SOAT1: variants seen among roughly 807,000 people sequenced by gnomAD.
SOAT1 encodes the protein sterol O-acyltransferase 1.
SOAT1 carries 55 observed loss-of-function variants against 69.5 expected under a neutral mutation model. The ratio of observed to expected loss-of-function variants is 0.79; its 90% CI spans 0.64 to 0.99. The LOEUF (loss-of-function observed/expected upper bound fraction) is 0.99, where lower values mean the gene tolerates loss of function less well. Among genes scored for constraint, SOAT1 ranks in the 50% least tolerant of loss-of-function variants. SOAT1 has a pLI of 0.00. For synonymous variants in SOAT1, 231 were observed against 224.7 expected (o/e 1.03, Z -0.25); for missense variants, 580 against 669.3 (o/e 0.87, Z 1.47).
intron 15 of SOAT1, among the ~76,000 whole-genome samples, chr1:179,353,207 A>ACATATATATAT (rs1666794668): frequency 1.8e-5 from 2 of 112,968 alleles, no homozygotes; most frequent in African/African-American, 6.8e-5. Flanking sequence ...GGTTATATAT[A>ACATATATATAT]AATATATATA....
chr1:179,312,614 C>G (rs1012147777), intron 2 of SOAT1, among the ~76,000 whole-genome samples: 3 of 152,178 alleles, frequency 2.0e-5, no homozygotes, highest in African/African-American at 7.2e-5. Context: ...CAACAATAGT[C>G]TCCAGTGCCC....
At chr1:179,340,257 G>A (rs553783382) in intron 6 of SOAT1, among the ~76,000 whole-genome samples, 8 of 152,314 alleles carry the variant, frequency 5.3e-5, no homozygotes, top group Non-Finnish European at 1.0e-4. Flanking sequence ...CACTTTGGGA[G>A]GCCGAGGCGG....
In SOAT1 at chr1:179,337,881, G is replaced by A; in HGVS notation, c.374G>A (p.Arg125Lys). Residue 125 changes from arginine (R) to lysine (K), a missense_variant, in exon 5 of 16, where the codon AGG becomes AAG. Transcript: ENST00000367619. The part of the protein sequence containing the change: ...PPEQGKIFIA[R>K]RSLLDELLEV... The stretch of plus-strand genomic sequence containing the variant: ...GAACAAGGAAAGATTTTTATTGCAA[G>A]GCGCTCTCTCTTAGAGTGAGTATTT... 1 of 1,609,094 alleles carries A rather than the reference G, an allele frequency of 6.2e-7. No homozygotes were observed. The highest frequency in any genetic ancestry group is 8.5e-7 in the Non-Finnish European group (1 of 1,177,458).
chr1:179,355,154 G>C lies in SOAT1; in HGVS notation c.*1513G>C, dbSNP rs910261693. ...TTCAACGGAAACAAATACACTCAAGGGAAGTTATTTTTAAAAAGGTACTCT... is the reference window on the plus strand; with the variant it reads ...TTCAACGGAAACAAATACACTCAAGCGAAGTTATTTTTAAAAAGGTACTCT... On this transcript the variant is annotated 3_prime_UTR_variant, in exon 16 of 16. Coordinates refer to ENST00000367619, the MANE Select transcript of SOAT1 (RefSeq NM_003101.6). 6.6e-6 allele frequency: 1 copy of C among 152,074 alleles called. No individual in the cohort carries two copies. The highest frequency in any genetic ancestry group is 1.5e-5 in the Non-Finnish European group (1 of 68,026). 9.4% of individuals were successfully genotyped at this position (152,074 alleles called of 1,614,324 possible). A position where few individuals can be genotyped will look rare whatever the true frequency, so the allele number is the denominator to read the frequency against.
intron 2 of SOAT1, among the ~76,000 whole-genome samples, chr1:179,308,135 C>G (rs1296361016): frequency 6.6e-6 from 1 of 152,062 alleles, no homozygotes. Context: ...CTCTTCTGTC[C>G]CAGTTCCTGA....
chr1:179,345,671 C>G (rs1558057686), intron 11 of SOAT1, among the ~76,000 whole-genome samples: 2 of 151,892 alleles, frequency 1.3e-5, no homozygotes, highest in Admixed American at 1.3e-4. Context: ...GTGATCCTCT[C>G]GCCTCAGTAG....
In SOAT1 at chr1:179,354,936, A is replaced by G. The variant is rs1666860126; in HGVS notation, c.*1295A>G. On this transcript the variant is annotated 3_prime_UTR_variant, in exon 16 of 16. Coordinates refer to ENST00000367619, the MANE Select transcript of SOAT1 (RefSeq NM_003101.6). ...TTAAATGATAGTTGTTACTTGGAAC[A>G]GCCACTTGAGAGGCTCTCTTGGTAT... The G allele has an allele frequency of 6.6e-6, 1 of 152,226 alleles. No individual in the cohort carries two copies. The highest frequency in any genetic ancestry group is 1.5e-5 in the Non-Finnish European group (1 of 68,032). 9.4% of individuals were successfully genotyped at this position (152,226 alleles called of 1,614,324 possible).
intron 11 of SOAT1, 94 bp downstream of exon 11, chr1:179,345,170 C>A: frequency 8.0e-7 from 1 of 1,248,460 alleles, no homozygotes; most frequent in South Asian, 1.3e-5. Context: ...CCTACTTTTT[C>A]ATCTAAACTT....
chr1:179,294,971 G>T (rs1414529229), intron 1 of SOAT1, among the ~76,000 whole-genome samples: 1 of 151,678 alleles, frequency 6.6e-6, no homozygotes, highest in Non-Finnish European at 1.5e-5. Context: ...AAGTTGGGCG[G>T]TGTCAGTGAA....
At chr1:179,339,619 G>A (rs1666264541) in intron 6 of SOAT1, 74 bp downstream of exon 6, 2 of 903,714 alleles carry the variant, frequency 2.2e-6, no homozygotes, top group East Asian at 2.7e-5. Context: ...TTTGGTAAAG[G>A]GTAAATTGAT....
chr1:179,298,384 G>A (rs1440363372), intron 1 of SOAT1, among the ~76,000 whole-genome samples: 3 of 152,090 alleles, frequency 2.0e-5, no homozygotes, highest in Admixed American at 6.5e-5. Flanking sequence ...CACCATGCCC[G>A]GCCCTGTTTT....
chr1:179,296,550 G>C (rs187000652), intron 1 of SOAT1, among the ~76,000 whole-genome samples: 7 of 152,302 alleles, frequency 4.6e-5, no homozygotes, highest in African/African-American at 1.7e-4. Flanking sequence ...ATGTAAATGA[G>C]AATTTGTTCT....
At chr1:179,303,683 A>G (rs1439425488) in intron 2 of SOAT1, among the ~76,000 whole-genome samples, 2 of 152,220 alleles carry the variant, frequency 1.3e-5, no homozygotes, top group African/African-American at 4.8e-5. Context: ...AATGAGGTTT[A>G]TTGATAGGCT....
At chr1:179,345,961 A>G (rs1666520259) in intron 11 of SOAT1, among the ~76,000 whole-genome samples, 1 of 152,304 alleles carries the variant, frequency 6.6e-6, no homozygotes. Flanking sequence ...ACCTAGTACT[A>G]TGCCAGGTGC....
chr1:179,320,717 C>T (rs1300620979), intron 2 of SOAT1, among the ~76,000 whole-genome samples: 1 of 151,936 alleles, frequency 6.6e-6, no homozygotes, highest in Non-Finnish European at 1.5e-5. Context: ...TTGATGAACT[C>T]ACATTCTTTT....
At chr1:179,323,689 A>G (rs1665684966) in intron 3 of SOAT1, among the ~76,000 whole-genome samples, 194 bp downstream of exon 3, 1 of 152,160 alleles carries the variant, frequency 6.6e-6, no homozygotes, top group African/African-American at 2.4e-5. Flanking sequence ...TTTCTCTCCC[A>G]TCTCATCTAT....
Position 179,344,365 on chromosome 1 carries a change from T to TTG in SOAT1, c.988-581_988-580insGT, listed in dbSNP as rs1352960148. Among the ~76,000 whole-genome samples, 2 of 17,864 alleles carry TTG rather than the reference T, an allele frequency of 1.1e-4. 1 individual carries two copies. The highest frequency in any genetic ancestry group is 8.2e-4 in the African/African-American group (2 of 2,442). 11.7% of individuals were successfully genotyped at this position (17,864 alleles called of 152,430 possible). A position where few individuals can be genotyped will look rare whatever the true frequency, so the allele number is the denominator to read the frequency against. On this transcript the variant is annotated intron_variant, in intron 10 of 15. Transcript: ENST00000367619. ...CTTTCATTAAGGGGTTTTTTTTTTT[T>TTG]TTTTTTTTTTTTTTTTTTTTTTTTT...
intron 7 of SOAT1, 192 bp from the exon 8 acceptor site, chr1:179,341,922 A>G: frequency 2.8e-6 from 1 of 354,970 alleles, no homozygotes; most frequent in Non-Finnish European, 3.9e-6. Flanking sequence ...CATAATTAAA[A>G]ACTTCACTTT....
At chr1:179,347,372 A>AAC (rs1666570727) in intron 11 of SOAT1, among the ~76,000 whole-genome samples, 1 of 151,760 alleles carries the variant, frequency 6.6e-6, no homozygotes, top group Non-Finnish European at 1.5e-5. Flanking sequence ...AAGAAAAAAA[A>AAC]AAACCAGACT....
Sources: gnomAD v4.1 joint callset for allele counts (sites outside exome capture counted in the v4.1 genomes callset) on GRCh38, gnomAD v4.1.1 for gene constraint, MANE v1.5 for transcripts, NCBI Gene and HGNC (gene_info 2026-07-23, HGNC 2026-07-21) for gene names.